PPHLN1: variants seen among roughly 807,000 people sequenced by gnomAD.
PPHLN1 encodes periphilin-1.
A neutral mutation model predicts 51.3 loss-of-function variants in PPHLN1; 29 were observed. That is an observed-to-expected ratio of 0.57 (90% CI 0.42 to 0.77). PPHLN1 has a LOEUF of 0.77. PPHLN1 is among the 30% of genes least tolerant of loss of function. The pLI is 0.00. For synonymous variants in PPHLN1, 147 were observed against 147.8 expected (o/e 0.99, Z 0.04); for missense variants, 436 against 438.4 (o/e 0.99, Z 0.05).
In PPHLN1 at chr12:42,364,248, A is replaced by G. The variant is rs527473584; in HGVS notation, c.299+9026A>G. On this transcript the variant is annotated intron_variant, in intron 4 of 9. Coordinates refer to ENST00000358314, the MANE Select transcript of PPHLN1 (RefSeq NM_201439.2). ...TCAAAATAAAATAATAATAGTAATA[A>G]ATCTTAGGATGGAACTGATTTGAAG... Among the ~76,000 whole-genome samples the G allele has an allele frequency of 2.0e-5, 3 of 152,214 alleles. No homozygotes were observed. In the South Asian group the frequency reaches 6.2e-4, roughly 31 times the overall value.
At chr12:42,424,180 A>G (rs2708058) in intron 9 of PPHLN1, among the ~76,000 whole-genome samples, 92,346 of 151,994 alleles carry the variant, frequency 0.61, 28,234 homozygotes, top group Admixed American at 0.67. Flanking sequence ...CCAGAAGGCC[A>G]GGTAACATCT....
intron 9 of PPHLN1, among the ~76,000 whole-genome samples, chr12:42,406,695 T>C (rs1025085428): frequency 6.6e-6 from 1 of 152,192 alleles, no homozygotes; most frequent in African/African-American, 2.4e-5. Flanking sequence ...GTGTTGTGGA[T>C]ATTTTTCCCA....
At chr12:42,380,858 C>T (rs778655374) in intron 5 of PPHLN1, among the ~76,000 whole-genome samples, 1 of 152,172 alleles carries the variant, frequency 6.6e-6, no homozygotes, top group Non-Finnish European at 1.5e-5. Context: ...TTGAAGCCCA[C>T]TATGCTGTGT....
chr12:42,427,034 A>G (rs1467966585), intron 9 of PPHLN1, among the ~76,000 whole-genome samples: 1 of 152,086 alleles, frequency 6.6e-6, no homozygotes. Context: ...AAACCAATGT[A>G]AGACTTTTTT....
intron 9 of PPHLN1, among the ~76,000 whole-genome samples, chr12:42,409,970 C>T (rs1252490731): frequency 6.6e-6 from 1 of 151,940 alleles, no homozygotes; most frequent in Non-Finnish European, 1.5e-5. Flanking sequence ...ATATGAAGTC[C>T]TAATTTTATA....
At position 42,400,793 on chromosome 12, in the gene PPHLN1, C is replaced by T. The variant is rs1034321574; in HGVS notation, c.909+1799C>T. On this transcript the variant is annotated intron_variant, in intron 9 of 9. Coordinates refer to ENST00000358314, the MANE Select transcript of PPHLN1 (RefSeq NM_201439.2). ...TCTCTCTTTCTCTCTCTCTCTCTCT[C>T]TCTTTCACACACACACACACACACA... 2.2e-4 allele frequency among the ~76,000 whole-genome samples: 29 copies of T among 134,380 alleles called. 1 individual carries two copies. The highest frequency in any genetic ancestry group is 6.8e-4 in the African/African-American group (25 of 36,632). The allele number at this position is 134,380 out of a possible 152,430, so 88.2% of individuals were successfully genotyped here.
intron 1 of PPHLN1, among the ~76,000 whole-genome samples, chr12:42,329,108 T>TTTG (rs1555174843): frequency 3.8e-4 from 48 of 125,050 alleles, no homozygotes; most frequent in Middle Eastern, 4.0e-3. Flanking sequence ...TTTTTTTTTT[T>TTTG]TGTGTGTGTG....
rs554275311 is a variant in PPHLN1 at position 42,361,867 on chromosome 12, G to A, written c.299+6645G>A. 4.6e-5 allele frequency among the ~76,000 whole-genome samples: 7 copies of A among 151,696 alleles called. No individual in the cohort carries two copies. The South Asian group carries it at 8.3e-4, about 18-fold the overall frequency. On this transcript the variant is annotated intron_variant, in intron 4 of 9. Transcript: ENST00000358314. Reference sequence around the variant, plus strand: ...GCCTACGAATACCTCTTTTGAGTCCGTGTTTTCAGTTTTTTGGGTACATAT... The same window carrying A: ...GCCTACGAATACCTCTTTTGAGTCCATGTTTTCAGTTTTTTGGGTACATAT...
chr12:42,430,299 T>C (rs1036350727), intron 9 of PPHLN1, among the ~76,000 whole-genome samples: 2 of 151,126 alleles, frequency 1.3e-5, no homozygotes, highest in Non-Finnish European at 3.0e-5. Flanking sequence ...ACACACACCC[T>C]TACAGTTGAT....
At chr12:42,413,002 G>A (rs182582614) in intron 9 of PPHLN1, among the ~76,000 whole-genome samples, 3 of 152,132 alleles carry the variant, frequency 2.0e-5, no homozygotes, top group East Asian at 3.9e-4. Context: ...TGAGTTCCTC[G>A]TAGATTCTAG....
intron 2 of PPHLN1, among the ~76,000 whole-genome samples, chr12:42,350,973 G>T (rs1364625505): frequency 6.6e-6 from 1 of 151,938 alleles, no homozygotes; most frequent in African/African-American, 2.4e-5. Context: ...CGGAGAGGAG[G>T]GAGAGGGGGA....
chr12:42,378,388 TG>T (rs1203340706), intron 5 of PPHLN1, among the ~76,000 whole-genome samples: 1 of 152,138 alleles, frequency 6.6e-6, no homozygotes, highest in Non-Finnish European at 1.5e-5. Flanking sequence ...TACCAGTTTT[TG>T]CTTTAAATGT....
At chr12:42,372,867 T>G (rs1472578571) in intron 4 of PPHLN1, among the ~76,000 whole-genome samples, 1 of 152,230 alleles carries the variant, frequency 6.6e-6, no homozygotes, top group Non-Finnish European at 1.5e-5. Flanking sequence ...TTTTCTCATT[T>G]CATTAATCTA....
intron 9 of PPHLN1, among the ~76,000 whole-genome samples, chr12:42,409,358 T>C (rs1016258178): frequency 2.0e-5 from 3 of 152,190 alleles, no homozygotes; most frequent in Admixed American, 6.5e-5. Flanking sequence ...AGGTTGGTGA[T>C]AATATGCTGT....
At position 42,429,858 on chromosome 12, in the gene PPHLN1, T is replaced by G. The variant is rs1592968677; in HGVS notation, c.910-11457T>G. On this transcript the variant is annotated intron_variant, in intron 9 of 9. Transcript: ENST00000358314. ...TCCATCTTCATTTTATTTTGAAAAT[T>G]TTTGTATACCCATCACCTGGATTCT... Among the ~76,000 whole-genome samples, 4 of 152,304 alleles carry G rather than the reference T, an allele frequency of 2.6e-5. No homozygotes were observed. The South Asian group carries it at 8.3e-4, about 32-fold the overall frequency.
At chr12:42,372,913 G>A (rs962792412) in intron 4 of PPHLN1, among the ~76,000 whole-genome samples, 1 of 152,024 alleles carries the variant, frequency 6.6e-6, no homozygotes, top group Non-Finnish European at 1.5e-5. Flanking sequence ...TTGGCATCCC[G>A]TCTTTCACAC....
chr12:42,339,929 G>A (rs2071225033), intron 2 of PPHLN1, among the ~76,000 whole-genome samples: 1 of 152,138 alleles, frequency 6.6e-6, no homozygotes, highest in Non-Finnish European at 1.5e-5. Flanking sequence ...CTCATTTAAT[G>A]GACCCACTGA....
intron 8 of PPHLN1, chr12:42,398,496 C>T (rs973199232): frequency 5.5e-5 from 9 of 164,498 alleles, no homozygotes; most frequent in Admixed American, 5.0e-4. Context: ...ATTTTGGAAT[C>T]GAATAGGCCT....
downstream of PPHLN1, chr12:42,446,145 C>T (rs747208349): frequency 1.0e-5 from 16 of 1,591,272 alleles, no homozygotes; most frequent in South Asian, 4.5e-5. Flanking sequence ...CTTCGTCGGA[C>T]GACAGGAGCC....
Sources: allele counts gnomAD v4.1 joint callset (sites outside exome capture counted in the v4.1 genomes callset), GRCh38; gene constraint gnomAD v4.1.1; transcripts MANE v1.5; gene names NCBI Gene and HGNC (gene_info 2026-07-23, HGNC 2026-07-21).